SLC35F1: variants seen among roughly 807,000 people sequenced by gnomAD.
SLC35F1 encodes the protein chromosome 6 open reading frame 169.
A neutral mutation model predicts 48.7 loss-of-function variants in SLC35F1; 14 were observed. The ratio of observed to expected loss-of-function variants is 0.29; its 90% CI spans 0.19 to 0.45. The LOEUF (loss-of-function observed/expected upper bound fraction) is 0.45. Ranked by LOEUF, SLC35F1 falls within the 20% of genes least tolerant of loss-of-function variation. The pLI, the probability that SLC35F1 is intolerant of heterozygous loss-of-function variation, is 1.00. For synonymous variants in SLC35F1, 190 were observed against 202.2 expected (o/e 0.94, Z 0.51); for missense variants, 404 against 500.0 (o/e 0.81, Z 1.83).
intron 1 of SLC35F1, among the ~76,000 whole-genome samples, chr6:118,075,046 C>T (rs551780632): frequency 6.6e-6 from 1 of 152,292 alleles, no homozygotes; most frequent in East Asian, 1.9e-4. Context: ...TTATGCATCC[C>T]TGCTCTACGT....
At chr6:118,013,311 G>T (rs1777276154) in intron 1 of SLC35F1, among the ~76,000 whole-genome samples, 1 of 152,136 alleles carries the variant, frequency 6.6e-6, no homozygotes, top group African/African-American at 2.4e-5. Context: ...GGGAGGGTGT[G>T]GACTGGGCAG....
intron 7 of SLC35F1, among the ~76,000 whole-genome samples, chr6:118,297,200 T>C (rs1401600073): frequency 2.6e-5 from 4 of 152,238 alleles, no homozygotes; most frequent in Non-Finnish European, 5.9e-5. Context: ...AATATTTTAA[T>C]AGTTAACTTC....
At chr6:117,973,033 C>T (rs1039165359) in intron 1 of SLC35F1, among the ~76,000 whole-genome samples, 9 of 152,120 alleles carry the variant, frequency 5.9e-5, no homozygotes, top group African/African-American at 1.9e-4. Context: ...AACAAAATCC[C>T]ACAGACTAGG....
intron 2 of SLC35F1, among the ~76,000 whole-genome samples, chr6:118,216,138 C>CA (rs1775069568): frequency 6.7e-6 from 1 of 148,926 alleles, no homozygotes; most frequent in Non-Finnish European, 1.5e-5. Flanking sequence ...CGTGCAGTGG[C>CA]AAAATCACAG....
At chr6:117,995,854 T>A (rs2114861755) in intron 1 of SLC35F1, among the ~76,000 whole-genome samples, 1 of 152,334 alleles carries the variant, frequency 6.6e-6, no homozygotes, top group Non-Finnish European at 1.5e-5. Flanking sequence ...ATTGGATGGA[T>A]TATATGGTAT....
At chr6:118,013,713 AT>A (rs901073882) in intron 1 of SLC35F1, among the ~76,000 whole-genome samples, 2 of 152,026 alleles carry the variant, frequency 1.3e-5, no homozygotes, top group Middle Eastern at 3.4e-3. Context: ...TTGGATTGTT[AT>A]TTTTTTTCAT....
At chr6:118,146,073 G>A (rs145600732) in intron 1 of SLC35F1, among the ~76,000 whole-genome samples, 27 of 152,286 alleles carry the variant, frequency 1.8e-4, no homozygotes, top group Non-Finnish European at 3.7e-4. Flanking sequence ...TGGGATGAAA[G>A]TACAGATGCA....
chr6:118,309,306 G>T (rs1776347733), intron 7 of SLC35F1, among the ~76,000 whole-genome samples: 1 of 151,932 alleles, frequency 6.6e-6, no homozygotes, highest in Non-Finnish European at 1.5e-5. Flanking sequence ...CTCCTGAGTA[G>T]CTAGGACTAC....
At chr6:118,235,416 T>C in intron 2 of SLC35F1, 93 bp from the exon 3 acceptor site, 1 of 1,190,688 alleles carries the variant, frequency 8.4e-7, no homozygotes, top group South Asian at 1.8e-5. Flanking sequence ...AGGTTAAAAA[T>C]ATATAATGTT....
chr6:118,206,059 G>A (rs1168702146), intron 2 of SLC35F1, among the ~76,000 whole-genome samples: 2 of 152,096 alleles, frequency 1.3e-5, no homozygotes, highest in Non-Finnish European at 2.9e-5. Flanking sequence ...GGGTACAGAT[G>A]GTGACGGTGA....
At chr6:117,940,298 T>G (rs1254086793) in intron 1 of SLC35F1, among the ~76,000 whole-genome samples, 1 of 152,202 alleles carries the variant, frequency 6.6e-6, no homozygotes, top group Non-Finnish European at 1.5e-5. Flanking sequence ...TTTGTTGAAG[T>G]GCTGATGGAG....
At chr6:118,112,884 C>G (rs1005995420) in intron 1 of SLC35F1, among the ~76,000 whole-genome samples, 2 of 152,032 alleles carry the variant, frequency 1.3e-5, no homozygotes, top group Admixed American at 1.3e-4. Context: ...TCAATAATCC[C>G]TTTAAATATG....
At chr6:118,107,728 GGTAT>G (rs1773345226) in intron 1 of SLC35F1, among the ~76,000 whole-genome samples, 1 of 151,938 alleles carries the variant, frequency 6.6e-6, no homozygotes, top group African/African-American at 2.4e-5. Flanking sequence ...ATGGGCAACG[GGTAT>G]GTGTGTGTGT....
chr6:118,290,751 C>T (rs555750230), intron 7 of SLC35F1, among the ~76,000 whole-genome samples: 1 of 151,828 alleles, frequency 6.6e-6, no homozygotes, highest in South Asian at 2.1e-4. Context: ...CTAAGAGGCC[C>T]CCAGGTTTCC....
At chr6:118,141,272 A>G (rs1229048417) in intron 1 of SLC35F1, among the ~76,000 whole-genome samples, 2 of 152,202 alleles carry the variant, frequency 1.3e-5, no homozygotes, top group Non-Finnish European at 1.5e-5. Flanking sequence ...ATACACAAAT[A>G]CTTACCATTG....
chr6:118,090,623 G>A (rs139895126), intron 1 of SLC35F1, among the ~76,000 whole-genome samples: 1 of 152,060 alleles, frequency 6.6e-6, no homozygotes, highest in African/African-American at 2.4e-5. Context: ...AGGAGATGAG[G>A]CTGAAGCCTG....
chr6:117,966,553 T>G (rs1389019087), intron 1 of SLC35F1, among the ~76,000 whole-genome samples: 2 of 152,078 alleles, frequency 1.3e-5, no homozygotes, highest in Non-Finnish European at 2.9e-5. Flanking sequence ...AGGAAGAAAC[T>G]CCGGACACAC....
intron 1 of SLC35F1, among the ~76,000 whole-genome samples, chr6:118,090,053 G>A (rs963174203): frequency 3.3e-5 from 5 of 152,178 alleles, no homozygotes; most frequent in South Asian, 4.1e-4. Flanking sequence ...CTGAGACTGA[G>A]TAAGAATGGG....
At chr6:118,099,436 TTCTC>T (rs1773225249) in intron 1 of SLC35F1, among the ~76,000 whole-genome samples, 1 of 151,850 alleles carries the variant, frequency 6.6e-6, no homozygotes, top group African/African-American at 2.4e-5. Context: ...TAAGTTCTCT[TTCTC>T]TCTTTCTTTC....
Sources: gnomAD v4.1 joint callset for allele counts (sites outside exome capture counted in the v4.1 genomes callset) on GRCh38, gnomAD v4.1.1 for gene constraint, MANE v1.5 for transcripts, NCBI Gene and HGNC (gene_info 2026-07-23, HGNC 2026-07-21) for gene names.